ZNF385D: variants seen among roughly 807,000 people sequenced by gnomAD.
The protein encoded by ZNF385D is zinc finger protein 659.
ZNF385D carries 15 observed loss-of-function variants against 35.8 expected under a neutral mutation model. The observed-to-expected ratio is 0.42, with a 90% CI of 0.28 to 0.64. The LOEUF is 0.64. Ranked by LOEUF, ZNF385D falls within the 30% of genes least tolerant of loss-of-function variation. ZNF385D has a pLI of 0.23. For synonymous variants in ZNF385D, 212 were observed against 186.8 expected (o/e 1.13, Z -1.10); for missense variants, 474 against 494.6 (o/e 0.96, Z 0.39).
chr3:21,793,634 A>G (rs1338431082), intron 3 of ZNF385D, among the ~76,000 whole-genome samples: 1 of 152,250 alleles, frequency 6.6e-6, no homozygotes, highest in Non-Finnish European at 1.5e-5. Flanking sequence ...CCTACAGGAC[A>G]TGCTGAGATT....
Position 21,751,042 on chromosome 3 carries a change from C to T in ZNF385D, c.-126G>A. The stretch of plus-strand genomic sequence containing the variant: ...TGTCCCCGGCGTGGAGAGCAGTGAG[C>T]GCCGAGAGCGTGCCTCCTCCGCGGG... On this transcript the variant is annotated 5_prime_UTR_variant, in exon 1 of 8. Transcript: ENST00000281523. 6.4e-7 allele frequency: 1 copy of T among 1,561,768 alleles called. No individual in the cohort carries two copies. The highest frequency in any genetic ancestry group is 8.7e-7 in the Non-Finnish European group (1 of 1,153,714).
Position 21,539,330 on chromosome 3 carries a change from C to T in ZNF385D, c.276+25244G>A, listed in dbSNP as rs962285640. ...GCCATTTTGCCCTGGTTTTGTTTCACGGATTAAATTAAGAACCAATAATAT... is the reference window on the plus strand; with the variant it reads ...GCCATTTTGCCCTGGTTTTGTTTCATGGATTAAATTAAGAACCAATAATAT... On this transcript the variant is annotated intron_variant, in intron 3 of 7. Coordinates refer to ENST00000281523, the MANE Select transcript of ZNF385D (RefSeq NM_024697.3). The surrounding 1 kb of genome is among the most constrained non-coding windows in gnomAD (Gnocchi z 4.0). Among the ~76,000 whole-genome samples the T allele has an allele frequency of 3.3e-5, 5 of 152,052 alleles. No homozygotes were observed. The highest frequency in any genetic ancestry group is 7.2e-5 in the African/African-American group (3 of 41,406).
intron 3 of ZNF385D, among the ~76,000 whole-genome samples, chr3:21,933,253 T>C (rs975663306): frequency 6.6e-6 from 1 of 152,246 alleles, no homozygotes; most frequent in Non-Finnish European, 1.5e-5. Context: ...GAATCTTCTC[T>C]AGATCTGTGA....
intron 1 of ZNF385D, among the ~76,000 whole-genome samples, chr3:21,743,736 G>A (rs1400323250): frequency 6.6e-6 from 1 of 152,142 alleles, no homozygotes; most frequent in African/African-American, 2.4e-5. Flanking sequence ...TTAGGAATTA[G>A]GGCTTCAATT....
chr3:21,573,848 T>G (rs2063408647), intron 2 of ZNF385D, among the ~76,000 whole-genome samples: 1 of 151,502 alleles, frequency 6.6e-6, no homozygotes, highest in Non-Finnish European at 1.5e-5. Context: ...TCACCTGAGG[T>G]CAGGAATTCA....
At chr3:21,764,900 T>A (rs2070761962) in intron 3 of ZNF385D, among the ~76,000 whole-genome samples, 3 of 152,214 alleles carry the variant, frequency 2.0e-5, no homozygotes, top group Middle Eastern at 3.4e-3. Flanking sequence ...ATTGTCCACT[T>A]CTCTCCTGCC....
At chr3:21,986,826 G>C (rs1234265559) in intron 3 of ZNF385D, among the ~76,000 whole-genome samples, 1 of 79,776 alleles carries the variant, frequency 1.3e-5, no homozygotes, top group Non-Finnish European at 2.3e-5. Context: ...GGTCACTCAG[G>C]ACTTGCTTTA....
At chr3:21,879,027 C>T (rs1698131045) in intron 3 of ZNF385D, among the ~76,000 whole-genome samples, 1 of 151,924 alleles carries the variant, frequency 6.6e-6, no homozygotes, top group East Asian at 1.9e-4. Flanking sequence ...TGATACACTA[C>T]CAGAAAAAAT....
At chr3:22,337,172 T>G (rs1409711989) in intron 2 of ZNF385D, among the ~76,000 whole-genome samples, 1 of 148,580 alleles carries the variant, frequency 6.7e-6, no homozygotes, top group African/African-American at 2.4e-5. Context: ...TCCATGAGAT[T>G]TTTTTTTTAA....
chr3:22,057,457 G>T (rs1364775872), intron 3 of ZNF385D, among the ~76,000 whole-genome samples: 6 of 151,812 alleles, frequency 4.0e-5, no homozygotes, highest in Non-Finnish European at 8.8e-5. Flanking sequence ...AATTAAATTG[G>T]ATAAAAGCAG....
Position 21,414,425 on chromosome 3 carries a change from A to G in ZNF385D, c.*6789T>C, listed in dbSNP as rs1700533687. 1 of 152,156 alleles carries G rather than the reference A, an allele frequency of 6.6e-6. No homozygotes were observed. 9.4% of individuals were successfully genotyped at this position (152,156 alleles called of 1,614,324 possible). A position where few individuals can be genotyped will look rare whatever the true frequency, so the allele number is the denominator to read the frequency against. ...GAGAAAGCTAATATAGCTACAAATG[A>G]TGTAGCTTTGGCATCAGGTCAGTTC... On this transcript the variant is annotated 3_prime_UTR_variant, in exon 8 of 8. Transcript: ENST00000281523.
chr3:21,628,248 T>G (rs927046487), intron 2 of ZNF385D, among the ~76,000 whole-genome samples: 1 of 152,130 alleles, frequency 6.6e-6, no homozygotes, highest in Non-Finnish European at 1.5e-5. Flanking sequence ...AGGTGGCATT[T>G]CATTGTCAGA....
chr3:22,363,118 A>G (rs191392875), intron 2 of ZNF385D, among the ~76,000 whole-genome samples: 2 of 152,224 alleles, frequency 1.3e-5, no homozygotes, highest in African/African-American at 4.8e-5. Flanking sequence ...TCCAGGCAAG[A>G]GAGTGTATCT....
chr3:22,163,498 GA>G (rs1235210647), intron 3 of ZNF385D, among the ~76,000 whole-genome samples: 12 of 152,150 alleles, frequency 7.9e-5, no homozygotes, highest in Non-Finnish European at 1.3e-4. Context: ...TCAGAAATGT[GA>G]AAAACATTTT....
chr3:21,970,123 T>G (rs981908249), intron 3 of ZNF385D, among the ~76,000 whole-genome samples: 2 of 152,128 alleles, frequency 1.3e-5, no homozygotes, highest in African/African-American at 4.8e-5. Flanking sequence ...AGCTGAACTA[T>G]GAAGGTAAGA....
intron 3 of ZNF385D, among the ~76,000 whole-genome samples, chr3:21,757,120 C>CTTTTTT (rs61226426): frequency 0.076 from 8,005 of 105,536 alleles, 719 homozygotes; most frequent in East Asian, 0.22. Context: ...ATAAATTTCT[C>CTTTTTT]TTTTTTTTTT....
chr3:22,219,479 A>G (rs988468422), intron 2 of ZNF385D, among the ~76,000 whole-genome samples: 1 of 152,142 alleles, frequency 6.6e-6, no homozygotes, highest in East Asian at 1.9e-4. Context: ...ATTATCAGAA[A>G]GGTCATGCTA....
chr3:21,610,778 C>T (rs71310264), intron 2 of ZNF385D, among the ~76,000 whole-genome samples: 2 of 126,656 alleles, frequency 1.6e-5, no homozygotes, highest in Admixed American at 7.3e-5. Flanking sequence ...CCGTCCCCCC[C>T]AAAAAAAAAA....
chr3:22,089,883 T>G (rs1701235502), intron 3 of ZNF385D, among the ~76,000 whole-genome samples: 1 of 152,152 alleles, frequency 6.6e-6, no homozygotes, highest in Non-Finnish European at 1.5e-5. Context: ...GTGGTCAGGC[T>G]GGAGTGCTGC....
Sources: gnomAD v4.1 joint callset for allele counts (sites outside exome capture counted in the v4.1 genomes callset) on GRCh38, gnomAD v4.1.1 for gene constraint, Gnocchi (gnomAD v3.1) non-coding constraint, MANE v1.5 for transcripts, NCBI Gene and HGNC (gene_info 2026-07-23, HGNC 2026-07-21) for gene names.